Variants in REEP1 observed in about 807,000 individuals in gnomAD.
REEP1 encodes receptor expression-enhancing protein 1.
In REEP1, 22 loss-of-function variants were observed where a neutral mutation model predicts 40.3. The ratio of observed to expected loss-of-function variants is 0.55; its 90% CI spans 0.39 to 0.78. REEP1 has a LOEUF of 0.78. Ranked by LOEUF, REEP1 falls within the 30% of genes least tolerant of loss-of-function variation. The pLI is 0.00. For synonymous variants in REEP1, 116 were observed against 139.2 expected (o/e 0.83, Z 1.17); for missense variants, 280 against 361.1 (o/e 0.78, Z 1.82).
intron 1 of REEP1, among the ~76,000 whole-genome samples, chr2:86,298,173 T>A (rs10451668): frequency 0.11 from 16,061 of 151,994 alleles, 1,644 homozygotes; most frequent in African/African-American, 0.26. Flanking sequence ...GATTGGTTGG[T>A]TTGGGGAATG....
chr2:86,321,478 C>CACA (rs1474209008), intron 1 of REEP1, among the ~76,000 whole-genome samples: 1 of 152,066 alleles, frequency 6.6e-6, no homozygotes, highest in Non-Finnish European at 1.5e-5. Flanking sequence ...ATGAGGCTAG[C>CACA]ACAATCTTGA....
chr2:86,321,141 C>T (rs1680257432), intron 1 of REEP1, among the ~76,000 whole-genome samples: 3 of 152,098 alleles, frequency 2.0e-5, no homozygotes, highest in Non-Finnish European at 4.4e-5. Context: ...ACTTGAAAGA[C>T]AGAGTAGGAA....
At chr2:86,232,858 C>T (rs1407162102) in intron 5 of REEP1, 56 bp from the exon 6 acceptor site, 2 of 1,542,102 alleles carry the variant, frequency 1.3e-6, no homozygotes, top group Middle Eastern at 2.0e-4. Flanking sequence ...AGGTCACACT[C>T]GACAAAGGCC....
chr2:86,247,960 T>C (rs12472390), intron 5 of REEP1, among the ~76,000 whole-genome samples: 50,648 of 152,124 alleles, frequency 0.33, 9,607 homozygotes, highest in Middle Eastern at 0.45. Context: ...ATTAATTTTA[T>C]TAGAGAAAGG....
chr2:86,270,273 C>T (rs1279936894), intron 2 of REEP1, among the ~76,000 whole-genome samples: 6 of 152,094 alleles, frequency 3.9e-5, no homozygotes, highest in East Asian at 1.9e-4. Context: ...CTCAGTTCTC[C>T]GTAACCTCCT....
intron 1 of REEP1, 115 bp from the exon 2 acceptor site, chr2:86,282,357 G>T: frequency 1.2e-6 from 1 of 818,900 alleles, no homozygotes; most frequent in Non-Finnish European, 2.1e-6. Flanking sequence ...GCTGCTGTGG[G>T]GCTTGATTTA....
chr2:86,264,123 G>T, intron 2 of REEP1, 82 bp from the exon 3 acceptor site: 1 of 1,005,350 alleles, frequency 9.9e-7, no homozygotes, highest in South Asian at 1.3e-5. Flanking sequence ...AGGCCCCGGC[G>T]GCAGATACGG....
At chr2:86,261,887 G>A (rs1348858402) in intron 3 of REEP1, among the ~76,000 whole-genome samples, 1 of 152,270 alleles carries the variant, frequency 6.6e-6, no homozygotes, top group Non-Finnish European at 1.5e-5. Flanking sequence ...CCTTAGGGCT[G>A]GAGGTGGGAC....
chr2:86,288,032 A>ATTATTATTTTTTTTTTTTTTTTTTTTTTT (rs1558916454), intron 1 of REEP1, among the ~76,000 whole-genome samples: 3 of 149,752 alleles, frequency 2.0e-5, no homozygotes, highest in African/African-American at 7.6e-5. Flanking sequence ...TATTTTTATT[A>ATTATTATTTTTTTTTTTTTTTTTTTTTTT]TTTTTTTGAG....
At chr2:86,269,948 T>A (rs2104336370) in intron 2 of REEP1, among the ~76,000 whole-genome samples, 1 of 152,184 alleles carries the variant, frequency 6.6e-6, no homozygotes, top group East Asian at 1.9e-4. Context: ...ACAGGACTTG[T>A]ATTCAACATA....
chr2:86,271,996 G>A (rs1677480536), intron 2 of REEP1, among the ~76,000 whole-genome samples: 2 of 152,230 alleles, frequency 1.3e-5, no homozygotes, highest in Admixed American at 6.5e-5. Flanking sequence ...GCTGGGGCGG[G>A]CAGATCACCT....
At chr2:86,239,208 CAAAAAAAAAAAAAAAA>C (rs35714309) in intron 5 of REEP1, among the ~76,000 whole-genome samples, 1 of 58,348 alleles carries the variant, frequency 1.7e-5, no homozygotes, top group South Asian at 9.8e-4. Context: ...CCATCTAGAC[CAAAAAAAAAAAAAAAA>C]AAAAAAAAAG....
intron 2 of REEP1, among the ~76,000 whole-genome samples, chr2:86,267,317 TC>T (rs1187725625): frequency 2.0e-5 from 3 of 152,182 alleles, no homozygotes; most frequent in African/African-American, 7.2e-5. Context: ...ACAGGTAGTT[TC>T]CTTTGCTGTC....
In REEP1 at chr2:86,276,337, AT is replaced by A. The variant is rs556794622; in HGVS notation, c.105+5832del. ...GCATAGGGTCTTTTCTGGAATATTC[AT>A]TTTTTCTGCATGTGGACTTGCTTTT... On this transcript the variant is annotated intron_variant, in intron 2 of 8. Transcript: ENST00000538924. 1.5e-3 allele frequency among the ~76,000 whole-genome samples: 227 copies of A among 151,884 alleles called. 2 individuals are homozygous for A. The highest frequency in any genetic ancestry group is 5.3e-3 in the African/African-American group (220 of 41,400).
At chr2:86,332,398 A>G (rs1051478441) in intron 1 of REEP1, among the ~76,000 whole-genome samples, 8 of 147,840 alleles carry the variant, frequency 5.4e-5, no homozygotes, top group African/African-American at 1.8e-4. Flanking sequence ...CTGCACTGCC[A>G]TATCTCTCCT....
intron 5 of REEP1, 125 bp downstream of exon 5, chr2:86,251,832 G>C (rs747004795): frequency 2.1e-5 from 16 of 774,012 alleles, no homozygotes; most frequent in Non-Finnish European, 3.5e-5. Flanking sequence ...ATTTTCAAAA[G>C]GACCCCTAAA....
chr2:86,311,199 G>A (rs894477325), intron 1 of REEP1, among the ~76,000 whole-genome samples: 25 of 140,662 alleles, frequency 1.8e-4, no homozygotes, highest in African/African-American at 8.2e-4. Context: ...TAAAATAATT[G>A]TGAGCACTAG....
At chr2:86,304,966 G>A (rs536585553) in intron 1 of REEP1, among the ~76,000 whole-genome samples, 61 of 152,292 alleles carry the variant, frequency 4.0e-4, no homozygotes, top group South Asian at 8.3e-4. Context: ...ACAGACAGAA[G>A]CAGAGACACT....
chr2:86,293,853 T>C (rs1308039686), intron 1 of REEP1, among the ~76,000 whole-genome samples: 4 of 152,242 alleles, frequency 2.6e-5, no homozygotes, highest in African/African-American at 9.6e-5. Flanking sequence ...TGCATACCCA[T>C]GTTCATGGCA....
Sources: allele counts gnomAD v4.1 joint callset (sites outside exome capture counted in the v4.1 genomes callset), GRCh38; gene constraint gnomAD v4.1.1; transcripts MANE v1.5; gene names NCBI Gene and HGNC (gene_info 2026-07-23, HGNC 2026-07-21).